The following ANGEL2 variants were observed in gnomAD, a reference collection of about 807,000 sequenced individuals.
ANGEL2 encodes the protein angel homolog 2, also known as RNA 2',3'-cyclic phosphatase ANGEL2.
A neutral mutation model predicts 66.0 loss-of-function variants in ANGEL2; 41 were observed. That is an observed-to-expected ratio of 0.62 (90% CI 0.48 to 0.81). The LOEUF is 0.81. ANGEL2 is among the 30% of genes least tolerant of loss of function. The pLI, the probability that ANGEL2 is intolerant of heterozygous loss-of-function variation, is 0.00. For missense variants in ANGEL2, 561 were observed against 641.6 expected, an observed-to-expected ratio of 0.87 and a Z score of 1.36; for synonymous variants, 208 against 226.5, an observed-to-expected ratio of 0.92 and a Z score of 0.73.
Position 213,015,817 on chromosome 1 carries a change from A to C in ANGEL2, c.-146T>G, listed in dbSNP as rs2076632282. On this transcript the variant is annotated 5_prime_UTR_variant, in exon 1 of 9. Transcript: ENST00000366962. The stretch of plus-strand genomic sequence containing the variant: ...GGCTGCAAGGCATGCTGGGAGGTGC[A>C]GTCTCGCCGGCCGGCCTACACTCCA... 4 of 1,061,104 alleles carry C rather than the reference A, an allele frequency of 3.8e-6. No homozygotes were observed. Among genetic ancestry groups the C allele is most frequent in the Admixed American group, 2.3e-5 (1 of 44,060 alleles). The allele number at this position is 1,061,104 out of a possible 1,614,324, so 65.7% of individuals were successfully genotyped here. A position where few individuals can be genotyped will look rare whatever the true frequency, so the allele number is the denominator to read the frequency against.
At chr1:213,003,284 A>C (rs1240509076) in intron 5 of ANGEL2, among the ~76,000 whole-genome samples, 1 of 152,216 alleles carries the variant, frequency 6.6e-6, no homozygotes, top group Non-Finnish European at 1.5e-5. Flanking sequence ...GCCTTCATAC[A>C]CTGGAGTAGC....
intron 2 of ANGEL2, among the ~76,000 whole-genome samples, chr1:213,010,812 T>C (rs761756141): frequency 6.6e-6 from 1 of 152,212 alleles, no homozygotes; most frequent in Non-Finnish European, 1.5e-5. Context: ...TTATAAAACA[T>C]GTACATGTAA....
At chr1:213,012,955 T>C (rs752772194) in intron 2 of ANGEL2, 138 bp downstream of exon 2, 27 of 773,090 alleles carry the variant, frequency 3.5e-5, no homozygotes, top group Non-Finnish European at 5.0e-5. Context: ...TTCATTTTTT[T>C]CTAACATAAA....
In ANGEL2 at chr1:213,001,344, C is replaced by T. The variant is rs117397674; in HGVS notation, c.1135-432G>A. ...TCAGTTTCCCAGTGCATGTAAGTTGCGTTTATACTATACTGTAGTTTACTA... is the reference window on the plus strand; with the variant it reads ...TCAGTTTCCCAGTGCATGTAAGTTGTGTTTATACTATACTGTAGTTTACTA... On this transcript the variant is annotated intron_variant, in intron 5 of 8. Transcript: ENST00000366962. The T allele has an allele frequency of 1.8e-3, 333 of 189,902 alleles. 6 individuals carry two copies. The East Asian group carries it at 0.05, about 29-fold the overall frequency. The allele number at this position is 189,902 out of a possible 1,614,324, so 11.8% of individuals were successfully genotyped here.
intron 4 of ANGEL2, 130 bp downstream of exon 4, chr1:213,006,999 T>C (rs1415412472): frequency 2.6e-6 from 2 of 772,472 alleles, no homozygotes; most frequent in East Asian, 2.8e-5. Context: ...GAAGCCGAAA[T>C]GAGAGGATTA....
At chr1:213,010,297 C>T (rs978661702) in intron 2 of ANGEL2, among the ~76,000 whole-genome samples, 45 of 151,920 alleles carry the variant, frequency 3.0e-4, no homozygotes, top group South Asian at 2.1e-4. Context: ...ATTGGCCGGG[C>T]GTGGTGGCTC....
rs1188178578 is a variant in ANGEL2, at chr1:212,994,538, A to C, written c.*503T>G. 6.6e-6 allele frequency: 1 copy of C among 152,352 alleles called. No individual in the cohort carries two copies. Among genetic ancestry groups the C allele is most frequent in the African/African-American group, 2.4e-5 (1 of 41,456 alleles). 9.4% of individuals were successfully genotyped at this position (152,352 alleles called of 1,614,324 possible). ...GCATTATCAAACCCCTTCAAAAACA[A>C]ACTAAACAATGGCTGGTTGGATACC... is the stretch of plus-strand genomic sequence containing the variant. On this transcript the variant is annotated 3_prime_UTR_variant, in exon 9 of 9. Transcript: ENST00000366962.
intron 8 of ANGEL2, among the ~76,000 whole-genome samples, chr1:212,996,513 T>A (rs1039899017): frequency 2.7e-5 from 4 of 149,258 alleles, no homozygotes; most frequent in Non-Finnish European, 5.9e-5. Flanking sequence ...TCTTAGCTAC[T>A]CGGGAAGCTG....
chr1:213,003,585 G>A (rs888153929), intron 5 of ANGEL2, among the ~76,000 whole-genome samples: 2 of 152,276 alleles, frequency 1.3e-5, no homozygotes, highest in Middle Eastern at 3.4e-3. Flanking sequence ...CACATTTATC[G>A]ATTAAGTTCT....
chr1:213,008,038 T>A (rs2148166221), intron 3 of ANGEL2, among the ~76,000 whole-genome samples, 172 bp downstream of exon 3: 1 of 151,974 alleles, frequency 6.6e-6, no homozygotes, highest in East Asian at 1.9e-4. Context: ...TAATTTTGTA[T>A]GTTTTAGTAG....
Position 213,008,563 on chromosome 1 carries a change from T to C in ANGEL2, c.386-97A>G, listed in dbSNP as rs919129184. Reference sequence around the variant, plus strand: ...TTTTTCAGCCTCTTAAAAATTCCCATAAGCAATGAATAGAATGTTTTTCCC... The same window carrying C: ...TTTTTCAGCCTCTTAAAAATTCCCACAAGCAATGAATAGAATGTTTTTCCC... On this transcript the variant is annotated intron_variant, in intron 2 of 8. Coordinates refer to ENST00000366962, the MANE Select transcript of ANGEL2 (RefSeq NM_144567.5). The C allele has an allele frequency of 2.2e-6, 3 of 1,394,058 alleles. No individual in the cohort carries two copies. The African/African-American group carries it at 4.3e-5, about 20-fold the overall frequency. 86.4% of individuals were successfully genotyped at this position (1,394,058 alleles called of 1,614,324 possible).
At position 213,005,461 on chromosome 1, in the gene ANGEL2, G is replaced by GA; in HGVS notation, c.713-8dup. On this transcript the variant is annotated splice_polypyrimidine_tract_variant and splice_region_variant and intron_variant, in intron 4 of 8. Transcript: ENST00000366962. ...TTATATTCACAGTGATAACCTACAAGAAACAAATGAATTTAAAACAAATGA... is the reference window on the plus strand; with the variant it reads ...TTATATTCACAGTGATAACCTACAAGAAAACAAATGAATTTAAAACAAATGA... The GA allele has an allele frequency of 3.8e-6, 6 of 1,558,754 alleles. No individual in the cohort carries two copies. Among genetic ancestry groups the GA allele is most frequent in the Non-Finnish European group, 3.5e-6 (4 of 1,156,512 alleles).
chr1:212,997,279 A>G lies in ANGEL2; in HGVS notation c.1359T>C (p.Ser453=), dbSNP rs1206758389. The G allele has an allele frequency of 6.2e-7, 1 of 1,612,158 alleles. No homozygotes were observed. The highest frequency in any genetic ancestry group is 8.5e-7 in the Non-Finnish European group (1 of 1,178,514). ...SNLQHHFSLS[S]VYSHYFPDTG... is the part of the protein sequence containing the mutation. ...TGTCAGGAAAGTAATGTGAATAAAC[A>G]GATGACAAACTGAAATGGTGCTGTA... Residue 453 remains serine (S), a synonymous_variant, in exon 8 of 9, where the codon TCT becomes TCC. Coordinates refer to ENST00000366962, the MANE Select transcript of ANGEL2 (RefSeq NM_144567.5).
In ANGEL2 at chr1:212,994,384, G is replaced by C. The variant is rs942132162; in HGVS notation, c.*657C>G. The C allele has an allele frequency of 6.6e-6, 1 of 152,180 alleles. No homozygotes were observed. The highest frequency in any genetic ancestry group is 2.4e-5 in the African/African-American group (1 of 41,442). 9.4% of individuals were successfully genotyped at this position (152,180 alleles called of 1,614,324 possible). A position where few individuals can be genotyped will look rare whatever the true frequency, so the allele number is the denominator to read the frequency against. On this transcript the variant is annotated 3_prime_UTR_variant, in exon 9 of 9. Transcript: ENST00000366962. ...TTAAGCCCACCTCTTGTCTGTTCCA[G>C]GGTGAAAGAGTGAGCTTTACACGTT...
chr1:212,993,314 T>A lies in ANGEL2; in HGVS notation c.*1727A>T, dbSNP rs571124722. On this transcript the variant is annotated 3_prime_UTR_variant, in exon 9 of 9. Coordinates refer to ENST00000366962, the MANE Select transcript of ANGEL2 (RefSeq NM_144567.5). ...ATAGCGTGAGACACCATCTAAAAAA[T>A]AAAAAAATAAAAACCCCCCAAAATG... 4 of 151,782 alleles carry A rather than the reference T, an allele frequency of 2.6e-5. No individual in the cohort carries two copies. Among genetic ancestry groups the A allele is most frequent in the Admixed American group, 2.6e-4 (4 of 15,212 alleles). 9.4% of individuals were successfully genotyped at this position (151,782 alleles called of 1,614,324 possible). A position where few individuals can be genotyped will look rare whatever the true frequency, so the allele number is the denominator to read the frequency against.
intron 2 of ANGEL2, chr1:213,011,318 T>C (rs1166789982): frequency 1.7e-5 from 22 of 1,268,970 alleles, no homozygotes; most frequent in Middle Eastern, 2.2e-4. Flanking sequence ...AAAGTCATAA[T>C]TGTATCACAC....
In ANGEL2 at chr1:213,008,330, T is replaced by C. The variant is rs773854702; in HGVS notation, c.522A>G (p.Ile174Met). The change falls in exon 3 of 9, where the codon ATA (isoleucine) becomes ATG (methionine). Residue 174 changes from isoleucine to methionine, a missense_variant. Physicochemically the swap from Ile to Met is conservative, Grantham distance 10. Transcript: ENST00000366962. ...TATCTTCCAGTAAATCTTGTGAAAG[T>C]ATATTATAGGACATCACTGAAAAGT... ...KFDFSVMSYNILSQDLLEDNS... is the reference protein window; with the variant it reads ...KFDFSVMSYNMLSQDLLEDNS... 3.7e-6 allele frequency: 6 copies of C among 1,614,080 alleles called. No homozygotes were observed. Among genetic ancestry groups the C allele is most frequent in the Admixed American group, 1.7e-5 (1 of 60,004 alleles).
intron 5 of ANGEL2, 29 bp from the exon 6 acceptor site, chr1:213,000,941 G>A (rs370429856): frequency 6.3e-7 from 1 of 1,597,680 alleles, no homozygotes; most frequent in African/African-American, 1.4e-5. Context: ...GGTATCTTAA[G>A]TGAAAAGATT....
In ANGEL2 at chr1:213,013,329, T is replaced by C. The variant is rs751427581; in HGVS notation, c.149A>G (p.His50Arg). 48 of 1,614,046 alleles carry C rather than the reference T, an allele frequency of 3.0e-5. No individual in the cohort carries two copies. The highest frequency in any genetic ancestry group is 3.5e-5 in the Non-Finnish European group (41 of 1,180,002). ...AGGCCACCTCATACAACTAGAAATA[T>C]GTCTGTTCCAGCAACACCTTTGCAG... ...ENLQRCCWNR[H>R]ISSCMRWPGH... Residue 50 changes from histidine (H) to arginine (R), a missense_variant, in exon 2 of 9, where the codon CAT (histidine) becomes CGT (arginine). Transcript: ENST00000366962.
Sources: gnomAD v4.1 joint callset for allele counts (sites outside exome capture counted in the v4.1 genomes callset) on GRCh38, gnomAD v4.1.1 for gene constraint, MANE v1.5 for transcripts, NCBI Gene and HGNC (gene_info 2026-07-23, HGNC 2026-07-21) for gene names.